ANP32B: variants seen among roughly 807,000 people sequenced by gnomAD.
The protein encoded by ANP32B is acidic leucine-rich nuclear phosphoprotein 32 family member B.
In ANP32B, 6 loss-of-function variants were observed where a neutral mutation model predicts 32.2. The observed-to-expected ratio is 0.19, with a 90% CI of 0.10 to 0.37. The LOEUF is 0.37. Ranked by LOEUF, ANP32B falls within the 10% of genes least tolerant of loss-of-function variation. ANP32B has a pLI of 1.00. For missense variants in ANP32B, 204 were observed against 289.2 expected (o/e 0.71, Z 2.14); for synonymous variants, 98 against 105.8 (o/e 0.93, Z 0.45).
chr9:97,983,719 C>T (rs1009230623), intron 1 of ANP32B, 110 bp downstream of exon 1: 1 of 825,886 alleles, frequency 1.2e-6, no homozygotes, highest in African/African-American at 1.8e-5. Context: ...GGGAAGAGCG[C>T]AGCTCGTGGG....
chr9:98,010,588 G>C (rs771870350), intron 4 of ANP32B, among the ~76,000 whole-genome samples: 1 of 152,066 alleles, frequency 6.6e-6, no homozygotes, highest in Middle Eastern at 3.2e-3. Context: ...CTCCAAGGTG[G>C]AGTCAGAGTT....
chr9:98,011,730 T>C (rs1431084399), intron 5 of ANP32B, among the ~76,000 whole-genome samples: 1 of 152,214 alleles, frequency 6.6e-6, no homozygotes, highest in Non-Finnish European at 1.5e-5. Flanking sequence ...TAGGGAAGTT[T>C]ATGTTTACCA....
intron 2 of ANP32B, 23 bp downstream of exon 2, chr9:97,994,803 TA>T (rs1564137242): frequency 1.0e-5 from 16 of 1,570,202 alleles, no homozygotes; most frequent in African/African-American, 1.4e-5. Flanking sequence ...TCTTTAACAG[TA>T]AAAGAGAACG....
At chr9:98,009,674 C>G (rs1053722379) in intron 4 of ANP32B, among the ~76,000 whole-genome samples, 1 of 152,244 alleles carries the variant, frequency 6.6e-6, no homozygotes, top group African/African-American at 2.4e-5. Flanking sequence ...TGCTGTGCGG[C>G]CCAGGCCACA....
At chr9:98,000,818 A>T (rs1827977072) in intron 3 of ANP32B, among the ~76,000 whole-genome samples, 1 of 151,150 alleles carries the variant, frequency 6.6e-6, no homozygotes, top group African/African-American at 2.4e-5. Context: ...GCTACTTGGG[A>T]GGCTGAGGCA....
chr9:98,001,864 C>T (rs1036036723), intron 3 of ANP32B, among the ~76,000 whole-genome samples: 1 of 151,960 alleles, frequency 6.6e-6, no homozygotes, highest in African/African-American at 2.4e-5. Context: ...AAAAAAAAAC[C>T]TTCGATACAA....
At chr9:97,996,232 G>A (rs1159721043) in intron 2 of ANP32B, among the ~76,000 whole-genome samples, 3 of 152,296 alleles carry the variant, frequency 2.0e-5, no homozygotes, top group Non-Finnish European at 1.5e-5. Flanking sequence ...GATCCTTAGT[G>A]TGTGTTTTGT....
chr9:98,000,510 C>T (rs1351445461), intron 3 of ANP32B, among the ~76,000 whole-genome samples: 1 of 152,172 alleles, frequency 6.6e-6, no homozygotes, highest in Admixed American at 6.5e-5. Flanking sequence ...TGAACATTTG[C>T]CCATTGTATC....
chr9:97,989,127 C>T (rs921648915), intron 1 of ANP32B, among the ~76,000 whole-genome samples: 1 of 152,146 alleles, frequency 6.6e-6, no homozygotes, highest in Admixed American at 6.5e-5. Context: ...CAGGGATATT[C>T]CCATGACCTA....
At chr9:98,010,312 G>GTGGCTCACAC (rs1828161995) in intron 4 of ANP32B, among the ~76,000 whole-genome samples, 1 of 149,938 alleles carries the variant, frequency 6.7e-6, no homozygotes, top group Non-Finnish European at 1.5e-5. Context: ...GCTAGGTATG[G>GTGGCTCACAC]TGGCTCACAC....
chr9:97,992,716 G>A (rs527794678), intron 1 of ANP32B, among the ~76,000 whole-genome samples: 2 of 152,272 alleles, frequency 1.3e-5, no homozygotes, highest in South Asian at 2.1e-4. Flanking sequence ...TTAATGGTTC[G>A]TTGGTTTTAT....
At chr9:97,991,997 A>C (rs1421044673) in intron 1 of ANP32B, among the ~76,000 whole-genome samples, 1 of 152,112 alleles carries the variant, frequency 6.6e-6, no homozygotes, top group Admixed American at 6.5e-5. Context: ...TTTTTTCCTC[A>C]TTCCGCAGTT....
intron 5 of ANP32B, 64 bp from the exon 6 acceptor site, chr9:98,012,357 G>A: frequency 6.4e-7 from 1 of 1,562,388 alleles, no homozygotes; most frequent in Non-Finnish European, 8.7e-7. Flanking sequence ...GGCAGAATTT[G>A]TACTATATGC....
chr9:98,014,671 G>A (rs1828244732), intron 6 of ANP32B, among the ~76,000 whole-genome samples: 2 of 152,134 alleles, frequency 1.3e-5, no homozygotes. Context: ...TTTTACAGAT[G>A]AAAAAGGCTT....
At chr9:98,007,770 C>T (rs916952712) in intron 4 of ANP32B, among the ~76,000 whole-genome samples, 2 of 152,138 alleles carry the variant, frequency 1.3e-5, no homozygotes, top group Non-Finnish European at 2.9e-5. Flanking sequence ...CTGAACTTAA[C>T]GTTTTGCAGG....
At chr9:97,986,537 A>G (rs935899241) in intron 1 of ANP32B, 1 of 152,268 alleles carries the variant, frequency 6.6e-6, no homozygotes, top group African/African-American at 2.4e-5. Flanking sequence ...TTTGAAGGAA[A>G]TTCTAAAAGA....
At chr9:97,993,486 A>C (rs1005533552) in intron 1 of ANP32B, among the ~76,000 whole-genome samples, 4 of 152,212 alleles carry the variant, frequency 2.6e-5, no homozygotes, top group Non-Finnish European at 4.4e-5. Context: ...TGCAGTTAAA[A>C]TGGTAATTTG....
rs781238067 is a variant in ANP32B, at chr9:98,011,441, T to G, written c.636+52T>G. The G allele has an allele frequency of 1.0e-5, 16 of 1,544,148 alleles. No individual in the cohort carries two copies. The South Asian group carries it at 1.1e-4, about 11-fold the overall frequency. ...TTCCTATTTGTAATTACAACAAAAG[T>G]GGGGGTTTCAAAAAGATGACAAAAG... On this transcript the variant is annotated intron_variant, in intron 5 of 6. Coordinates refer to ENST00000339399, the MANE Select transcript of ANP32B (RefSeq NM_006401.3).
intron 3 of ANP32B, 45 bp downstream of exon 3, chr9:97,998,723 C>A: frequency 1.5e-6 from 2 of 1,368,546 alleles, no homozygotes; most frequent in Non-Finnish European, 1.9e-6. Flanking sequence ...TGGTCATTTT[C>A]ATTTTCATAT....
Sources: gnomAD v4.1 joint callset for allele counts (sites outside exome capture counted in the v4.1 genomes callset) on GRCh38, gnomAD v4.1.1 for gene constraint, MANE v1.5 for transcripts, NCBI Gene and HGNC (gene_info 2026-07-23, HGNC 2026-07-21) for gene names.